Variants in VAV3 observed in about 807,000 individuals in gnomAD.
VAV3 encodes the protein vav guanine nucleotide exchange factor 3.
A neutral mutation model predicts 131.2 loss-of-function variants in VAV3; 94 were observed. The ratio of observed to expected loss-of-function variants is 0.72; its 90% CI spans 0.61 to 0.85. VAV3 has a LOEUF of 0.85. Ranked by LOEUF, VAV3 falls within the 40% of genes least tolerant of loss-of-function variation. VAV3 has a pLI of 0.00. For missense variants in VAV3, 939 were observed against 1,002.7 expected (o/e 0.94, Z 0.86); for synonymous variants, 349 against 342.0 (o/e 1.02, Z -0.22).
intron 1 of VAV3, among the ~76,000 whole-genome samples, chr1:107,876,028 G>A (rs1670480163): frequency 6.6e-6 from 1 of 152,142 alleles, no homozygotes; most frequent in South Asian, 2.1e-4. Context: ...GAGAGTACCT[G>A]AGCCAGGAAA....
chr1:107,964,572 C>A, intron 1 of VAV3, 94 bp downstream of exon 1: 2 of 1,367,452 alleles, frequency 1.5e-6, no homozygotes, highest in Non-Finnish European at 1.0e-6. Flanking sequence ...GCAAGCTCAG[C>A]GCACCTAGAC....
At chr1:107,942,558 T>C (rs557258088) in intron 1 of VAV3, among the ~76,000 whole-genome samples, 1 of 152,294 alleles carries the variant, frequency 6.6e-6, no homozygotes, top group South Asian at 2.1e-4. Flanking sequence ...TATCTGTGTA[T>C]CCTGACTTAA....
chr1:107,592,742 G>C (rs1258624992), intron 25 of VAV3, among the ~76,000 whole-genome samples: 1 of 152,096 alleles, frequency 6.6e-6, no homozygotes, highest in Non-Finnish European at 1.5e-5. Context: ...CTAAGGTCCA[G>C]ACAGGCTAAG....
intron 1 of VAV3, among the ~76,000 whole-genome samples, chr1:107,921,861 A>T (rs1018635139): frequency 6.6e-6 from 1 of 152,204 alleles, no homozygotes; most frequent in African/African-American, 2.4e-5. Context: ...AAAGGTATTA[A>T]AAGTATGAGA....
chr1:107,757,384 C>A (rs1664171215), intron 10 of VAV3, 55 bp from the exon 11 acceptor site: 5 of 1,381,442 alleles, frequency 3.6e-6, no homozygotes, highest in Middle Eastern at 1.8e-4. Context: ...CTAAGACATA[C>A]TAAAGAAAAC....
At chr1:107,949,425 G>A (rs543802772) in intron 1 of VAV3, among the ~76,000 whole-genome samples, 1 of 152,034 alleles carries the variant, frequency 6.6e-6, no homozygotes, top group Non-Finnish European at 1.5e-5. Flanking sequence ...ATCCTTCCAC[G>A]TCAGCCTCCC....
At chr1:107,795,658 C>T (rs1434615692) in intron 2 of VAV3, among the ~76,000 whole-genome samples, 1 of 152,194 alleles carries the variant, frequency 6.6e-6, no homozygotes, top group African/African-American at 2.4e-5. Context: ...AGGGAAAACC[C>T]CCTACAGGGG....
intron 7 of VAV3, 86 bp downstream of exon 7, chr1:107,768,355 T>A: frequency 1.0e-6 from 1 of 970,798 alleles, no homozygotes. Flanking sequence ...TACAAAAGAG[T>A]ATTAAAATAG....
At chr1:107,954,223 A>G (rs1219787064) in intron 1 of VAV3, among the ~76,000 whole-genome samples, 1 of 152,188 alleles carries the variant, frequency 6.6e-6, no homozygotes, top group Non-Finnish European at 1.5e-5. Context: ...ATAATAGAAA[A>G]AAAATGCCCT....
chr1:107,705,349 G>A (rs146260237), intron 15 of VAV3, among the ~76,000 whole-genome samples: 146 of 132,692 alleles, frequency 1.1e-3, no homozygotes, highest in African/African-American at 3.6e-3. Flanking sequence ...AGGTCAACCT[G>A]CCTGGAAAAA....
At chr1:107,664,856 T>A (rs922851211) in intron 19 of VAV3, among the ~76,000 whole-genome samples, 7 of 152,172 alleles carry the variant, frequency 4.6e-5, no homozygotes, top group Non-Finnish European at 1.0e-4. Context: ...TAACCAGATA[T>A]AGAAGTAGAG....
intron 19 of VAV3, among the ~76,000 whole-genome samples, 167 bp from the exon 20 acceptor site, chr1:107,642,922 T>C (rs758641474): frequency 4.1e-5 from 6 of 146,156 alleles, no homozygotes; most frequent in Non-Finnish European, 7.4e-5. Context: ...TTTCTCATTA[T>C]ATGAGATGGT....
chr1:107,656,431 A>G (rs1280348738), intron 19 of VAV3, among the ~76,000 whole-genome samples: 1 of 152,172 alleles, frequency 6.6e-6, no homozygotes, highest in Non-Finnish European at 1.5e-5. Flanking sequence ...ATGAAGATAG[A>G]GTATATTCAT....
At chr1:107,740,728 A>T (rs990200574) in intron 15 of VAV3, among the ~76,000 whole-genome samples, 3 of 152,262 alleles carry the variant, frequency 2.0e-5, no homozygotes, top group African/African-American at 7.2e-5. Context: ...TTTGTGCTGT[A>T]GGACAGGGGT....
intron 15 of VAV3, among the ~76,000 whole-genome samples, chr1:107,727,833 C>A (rs962163817): frequency 2.0e-5 from 3 of 152,124 alleles, no homozygotes; most frequent in Non-Finnish European, 4.4e-5. Context: ...AGCATCAATA[C>A]CCTTTTTAGA....
chr1:107,858,143 T>C (rs1206034737), intron 2 of VAV3, among the ~76,000 whole-genome samples: 5 of 152,170 alleles, frequency 3.3e-5, no homozygotes, highest in Non-Finnish European at 4.4e-5. Flanking sequence ...CTTAAAGATA[T>C]ACCACCACCA....
At chr1:107,673,139 A>G (rs2101685043) in intron 19 of VAV3, among the ~76,000 whole-genome samples, 1 of 152,360 alleles carries the variant, frequency 6.6e-6, no homozygotes, top group East Asian at 1.9e-4. Context: ...ATGTTCAACA[A>G]TAAATTATAC....
At chr1:107,683,275 C>T (rs1157741618) in intron 19 of VAV3, among the ~76,000 whole-genome samples, 1 of 152,204 alleles carries the variant, frequency 6.6e-6, no homozygotes, top group Non-Finnish European at 1.5e-5. Flanking sequence ...AGCTCAACTG[C>T]TGACTGTGGA....
At chr1:107,916,605 T>C (rs1672631093) in intron 1 of VAV3, among the ~76,000 whole-genome samples, 1 of 152,198 alleles carries the variant, frequency 6.6e-6, no homozygotes, top group Non-Finnish European at 1.5e-5. Context: ...AGGAGTTCAA[T>C]AAATAAATGC....
Sources: allele counts gnomAD v4.1 joint callset (sites outside exome capture counted in the v4.1 genomes callset), GRCh38; gene constraint gnomAD v4.1.1; transcripts MANE v1.5; gene names NCBI Gene and HGNC (gene_info 2026-07-23, HGNC 2026-07-21).